ROBO1: variants seen among roughly 807,000 people sequenced by gnomAD.
ROBO1 encodes roundabout homolog 1.
Under a neutral mutation model 195.9 loss-of-function variants are expected in ROBO1, and 149 were observed. The observed-to-expected ratio is 0.76, with a 90% CI of 0.67 to 0.87. ROBO1 has a LOEUF of 0.87. ROBO1 is among the 40% of genes least tolerant of loss of function. The pLI is 0.00. For missense variants in ROBO1, 1,933 were observed against 2,068.3 expected (o/e 0.93, Z 1.27); for synonymous variants, 816 against 733.2 (o/e 1.11, Z -1.82).
At chr3:78,779,849 C>A (rs1462239772) in intron 4 of ROBO1, among the ~76,000 whole-genome samples, 1 of 152,100 alleles carries the variant, frequency 6.6e-6, no homozygotes, top group Admixed American at 6.6e-5. Context: ...AGACTTGGAA[C>A]CAACCCAGAT....
chr3:79,539,988 T>C (rs4328771), intron 2 of ROBO1, among the ~76,000 whole-genome samples: 86,793 of 151,780 alleles, frequency 0.57, 24,950 homozygotes, highest in Non-Finnish European at 0.6. Context: ...ATAATTCACT[T>C]ACTAATATGA....
intron 2 of ROBO1, among the ~76,000 whole-genome samples, chr3:79,210,221 A>G (rs1474213025): frequency 6.6e-6 from 1 of 152,164 alleles, no homozygotes; most frequent in Non-Finnish European, 1.5e-5. Context: ...AAGCAATACT[A>G]AGCAAAAGAA....
At chr3:78,637,810 G>C (rs888763639) in intron 22 of ROBO1, among the ~76,000 whole-genome samples, 1 of 152,072 alleles carries the variant, frequency 6.6e-6, no homozygotes, top group Non-Finnish European at 1.5e-5. Flanking sequence ...TCGCTTTAAG[G>C]GCAGACATGC....
At chr3:79,658,354 A>T (rs1576189157) in intron 1 of ROBO1, among the ~76,000 whole-genome samples, 1 of 152,090 alleles carries the variant, frequency 6.6e-6, no homozygotes, top group Non-Finnish European at 1.5e-5. Flanking sequence ...TCAAATAATT[A>T]GGTTGTTATA....
At chr3:79,558,921 G>T (rs1420003375) in intron 2 of ROBO1, among the ~76,000 whole-genome samples, 4 of 152,048 alleles carry the variant, frequency 2.6e-5, no homozygotes, top group Non-Finnish European at 1.5e-5. Context: ...TTCAACCACA[G>T]ATCATGAATA....
At chr3:79,036,674 A>T (rs1411134014) in intron 3 of ROBO1, among the ~76,000 whole-genome samples, 2 of 152,146 alleles carry the variant, frequency 1.3e-5, no homozygotes, top group East Asian at 1.9e-4. Flanking sequence ...AAAAAGAGAT[A>T]TTGACTGGGA....
intron 1 of ROBO1, among the ~76,000 whole-genome samples, chr3:79,740,446 G>T (rs1703593233): frequency 6.6e-6 from 1 of 151,958 alleles, no homozygotes; most frequent in Non-Finnish European, 1.5e-5. Context: ...AAATACATGA[G>T]ACTAGGTAAT....
intron 3 of ROBO1, among the ~76,000 whole-genome samples, chr3:79,118,683 C>T (rs1458601415): frequency 3.9e-5 from 6 of 151,974 alleles, no homozygotes; most frequent in Non-Finnish European, 8.8e-5. Flanking sequence ...TACTGGCCAA[C>T]ATGGTGAAAC....
intron 2 of ROBO1, among the ~76,000 whole-genome samples, chr3:79,230,676 A>G (rs938688248): frequency 2.0e-5 from 3 of 152,134 alleles, no homozygotes; most frequent in Admixed American, 2.0e-4. Flanking sequence ...TTAAAATACT[A>G]CTGCTGAAAG....
intron 3 of ROBO1, among the ~76,000 whole-genome samples, chr3:78,969,463 T>G (rs538479909): frequency 6.6e-6 from 1 of 152,342 alleles, no homozygotes; most frequent in South Asian, 2.1e-4. Context: ...GGAAACATGA[T>G]AGCAGAGTAA....
chr3:79,495,853 T>C (rs1270964655), intron 2 of ROBO1, among the ~76,000 whole-genome samples: 1 of 152,128 alleles, frequency 6.6e-6, no homozygotes, highest in African/African-American at 2.4e-5. Flanking sequence ...ATACCTCAGT[T>C]TCCTCACTTA....
chr3:79,394,990 C>T (rs1007716058), intron 2 of ROBO1, among the ~76,000 whole-genome samples: 2 of 152,018 alleles, frequency 1.3e-5, no homozygotes, highest in African/African-American at 4.8e-5. Flanking sequence ...CTTATGGAGT[C>T]TAGATCAGTA....
At position 78,659,731 on chromosome 3, in the gene ROBO1, C is replaced by T. The variant is rs1395287837; in HGVS notation, c.2397G>A (p.Gln799=). The change falls in exon 17 of 31, where the codon CAG becomes CAA. Residue 799 remains glutamine, a synonymous_variant. Coordinates refer to ENST00000464233, the MANE Select transcript of ROBO1 (RefSeq NM_002941.4). Reference sequence around the variant, plus strand: ...CATTTTGAGTGTCTTCTGGAGGTGGCTGCCAACTAACTAGAATTGCAGTTC... The same window carrying T: ...CATTTTGAGTGTCTTCTGGAGGTGGTTGCCAACTAACTAGAATTGCAGTTC... The part of the protein sequence containing the change: ...GNGTAILVSW[Q]PPPEDTQNGM... The T allele has an allele frequency of 1.1e-5, 17 of 1,578,398 alleles. No individual in the cohort carries two copies. The highest frequency in any genetic ancestry group is 1.2e-5 in the Non-Finnish European group (14 of 1,160,588).
At chr3:79,327,078 T>C (rs1370560395) in intron 2 of ROBO1, among the ~76,000 whole-genome samples, 1 of 152,136 alleles carries the variant, frequency 6.6e-6, no homozygotes, top group Admixed American at 6.5e-5. Flanking sequence ...ATCACAAAAA[T>C]ATATGATTAT....
intron 4 of ROBO1, among the ~76,000 whole-genome samples, chr3:78,880,492 A>G (rs1244996324): frequency 6.6e-6 from 1 of 152,208 alleles, no homozygotes. Context: ...AAAAAAATTA[A>G]CATGGTAATA....
At chr3:78,668,343 C>T (rs368313647) in intron 12 of ROBO1, 41 bp from the exon 13 acceptor site, 45 of 1,608,590 alleles carry the variant, frequency 2.8e-5, no homozygotes, top group Admixed American at 8.4e-5. Flanking sequence ...GATGTTTACA[C>T]ATACACAGAT....
At chr3:78,908,715 G>A (rs1051287791) in intron 4 of ROBO1, among the ~76,000 whole-genome samples, 6 of 151,830 alleles carry the variant, frequency 4.0e-5, no homozygotes, top group African/African-American at 1.4e-4. Context: ...TAGTAATACA[G>A]CAGCAGTGGT....
intron 2 of ROBO1, among the ~76,000 whole-genome samples, chr3:79,459,324 A>C (rs1049557696): frequency 1.3e-5 from 2 of 152,142 alleles, no homozygotes; most frequent in Non-Finnish European, 2.9e-5. Context: ...TGCTAAAATT[A>C]GTTATTCTCT....
intron 4 of ROBO1, among the ~76,000 whole-genome samples, chr3:78,872,715 G>A (rs2035623612): frequency 6.6e-6 from 1 of 152,102 alleles, no homozygotes; most frequent in Non-Finnish European, 1.5e-5. Context: ...GAGTTTTCAG[G>A]TTGTAACACT....
Sources: allele counts gnomAD v4.1 joint callset (sites outside exome capture counted in the v4.1 genomes callset), GRCh38; gene constraint gnomAD v4.1.1; transcripts MANE v1.5; gene names NCBI Gene and HGNC (gene_info 2026-07-23, HGNC 2026-07-21).